The following DIS3L2 variants were observed in gnomAD, a reference collection of about 807,000 sequenced individuals.
DIS3L2 encodes DIS3-like exonuclease 2.
A neutral mutation model predicts 97.5 loss-of-function variants in DIS3L2; 34 were observed. The ratio of observed to expected loss-of-function variants is 0.35; its 90% CI spans 0.27 to 0.46. The LOEUF (loss-of-function observed/expected upper bound fraction) is 0.46, where lower values mean the gene tolerates loss of function less well. Ranked by LOEUF, DIS3L2 falls within the 20% of genes least tolerant of loss-of-function variation. The pLI is 1.00. For synonymous variants in DIS3L2, 435 were observed against 445.2 expected, an observed-to-expected ratio of 0.98 and a Z score of 0.29; for missense variants, 1,038 against 1,146.0, an observed-to-expected ratio of 0.91 and a Z score of 1.36.
At chr2:232,309,025 C>T (rs960306941) in intron 14 of DIS3L2, among the ~76,000 whole-genome samples, 2 of 152,116 alleles carry the variant, frequency 1.3e-5, no homozygotes, top group Non-Finnish European at 1.5e-5. Context: ...GGGGCAGGCC[C>T]GGGGCTTCCT....
chr2:232,253,672 G>C (rs764647426), intron 12 of DIS3L2, among the ~76,000 whole-genome samples: 8 of 152,146 alleles, frequency 5.3e-5, no homozygotes, highest in African/African-American at 1.2e-4. Context: ...TGGGCATGGT[G>C]GGGGAGGGAG....
intron 1 of DIS3L2, among the ~76,000 whole-genome samples, chr2:231,987,948 A>C (rs1693465304): frequency 6.6e-6 from 1 of 151,892 alleles, no homozygotes; most frequent in South Asian, 2.1e-4. Context: ...GGTTCAAGCG[A>C]TTCTCCTGCC....
chr2:232,135,168 G>A (rs1002119387), intron 7 of DIS3L2, among the ~76,000 whole-genome samples: 2 of 152,106 alleles, frequency 1.3e-5, no homozygotes, highest in Admixed American at 6.6e-5. Context: ...GAAAGGTGAG[G>A]ACAGGATGTT....
At chr2:232,314,938 A>T (rs1695229435) in intron 14 of DIS3L2, among the ~76,000 whole-genome samples, 1 of 152,178 alleles carries the variant, frequency 6.6e-6, no homozygotes. Flanking sequence ...TACCTTTCTC[A>T]GAAGGTCCTG....
intron 5 of DIS3L2, among the ~76,000 whole-genome samples, chr2:232,072,985 T>C (rs1297449232): frequency 6.6e-6 from 1 of 152,190 alleles, no homozygotes; most frequent in African/African-American, 2.4e-5. Flanking sequence ...TTGGATTAGC[T>C]ACCCTAAGCA....
intron 1 of DIS3L2, among the ~76,000 whole-genome samples, chr2:232,014,175 C>G (rs1330260865): frequency 1.3e-5 from 2 of 152,250 alleles, no homozygotes; most frequent in African/African-American, 2.4e-5. Context: ...ATCCTGGCAG[C>G]TGCTCTTATA....
At chr2:232,277,784 A>AT (rs1424485939) in intron 13 of DIS3L2, among the ~76,000 whole-genome samples, 1 of 152,202 alleles carries the variant, frequency 6.6e-6, no homozygotes, top group Non-Finnish European at 1.5e-5. Flanking sequence ...ACTAACCTAG[A>AT]TGGGATAGCC....
intron 13 of DIS3L2, among the ~76,000 whole-genome samples, chr2:232,286,130 G>T (rs1469655871): frequency 6.6e-6 from 1 of 152,168 alleles, no homozygotes; most frequent in Non-Finnish European, 1.5e-5. Flanking sequence ...TGAGGTTCTG[G>T]GCAGCTTCCT....
chr2:232,329,785 T>TCCCGGGGGG, intron 14 of DIS3L2, 28 bp from the exon 15 acceptor site: 96 of 967,096 alleles, frequency 9.9e-5, no homozygotes, highest in Middle Eastern at 3.5e-4. Context: ...ACCCCAGCGG[T>TCCCGGGGGG]CCCTCCCATC....
chr2:232,327,662 A>C (rs1575021614), intron 14 of DIS3L2, among the ~76,000 whole-genome samples: 1 of 152,248 alleles, frequency 6.6e-6, no homozygotes, highest in Non-Finnish European at 1.5e-5. Context: ...AGCCTAGAAC[A>C]GTCAGTGTTC....
chr2:232,191,006 A>G (rs1428786018), intron 9 of DIS3L2, among the ~76,000 whole-genome samples: 1 of 152,364 alleles, frequency 6.6e-6, no homozygotes, highest in African/African-American at 2.4e-5. Flanking sequence ...GTGTTTAGCC[A>G]TGAAGCTCTT....
intron 14 of DIS3L2, among the ~76,000 whole-genome samples, chr2:232,309,496 C>T (rs925954807): frequency 7.9e-5 from 12 of 151,892 alleles, no homozygotes; most frequent in Non-Finnish European, 8.8e-5. Flanking sequence ...TCTCAGGCTA[C>T]GGCCCAGGTT....
intron 13 of DIS3L2, among the ~76,000 whole-genome samples, chr2:232,285,400 C>T (rs750723156): frequency 6.6e-5 from 10 of 152,238 alleles, no homozygotes; most frequent in Non-Finnish European, 1.0e-4. Flanking sequence ...AGCCTCTCCA[C>T]CTGCAACTGG....
intron 6 of DIS3L2, among the ~76,000 whole-genome samples, chr2:232,116,517 C>T (rs1376322503): frequency 6.6e-6 from 1 of 152,220 alleles, no homozygotes; most frequent in Non-Finnish European, 1.5e-5. Flanking sequence ...AATTCCCGTT[C>T]TCCTTAGAGA....
At position 232,086,643 on chromosome 2, in the gene DIS3L2, A is replaced by ATATATATATATACACATATATATG. The variant is rs1484154092; in HGVS notation, c.367-843_367-842insATATATATATACACATATATATGT. On this transcript the variant is annotated intron_variant, in intron 5 of 20. Coordinates refer to ENST00000325385, the MANE Select transcript of DIS3L2 (RefSeq NM_152383.5). ...TATATATATATACACATATATATAT[A>ATATATATATATACACATATATATG]TGTATATATATATATATGTGTGTGT... Among the ~76,000 whole-genome samples the ATATATATATATACACATATATATG allele has an allele frequency of 2.1e-4, 17 of 81,928 alleles. 1 individual carries two copies. The East Asian group carries it at 3.4e-3, about 16-fold the overall frequency. The allele number at this position is 81,928 out of a possible 152,430, so 53.7% of individuals were successfully genotyped here.
chr2:232,012,809 A>G lies in DIS3L2; in HGVS notation c.-93-2026A>G, dbSNP rs143886909. On this transcript the variant is annotated intron_variant, in intron 1 of 20. Coordinates refer to ENST00000325385, the MANE Select transcript of DIS3L2 (RefSeq NM_152383.5). Reference sequence around the variant, plus strand: ...TCACAATGATGTCACGGGGAAGGGAATGTTGCTTGTTCGTTCCTTGTCCTA... The same window carrying G: ...TCACAATGATGTCACGGGGAAGGGAGTGTTGCTTGTTCGTTCCTTGTCCTA... Among the ~76,000 whole-genome samples the G allele has an allele frequency of 1.2e-3, 177 of 152,264 alleles. 1 individual carries two copies. Among genetic ancestry groups the G allele is most frequent in the Non-Finnish European group, 2.1e-3 (144 of 68,020 alleles).
chr2:232,109,903 C>G (rs1228519136), intron 6 of DIS3L2, among the ~76,000 whole-genome samples: 1 of 152,118 alleles, frequency 6.6e-6, no homozygotes, highest in Non-Finnish European at 1.5e-5. Flanking sequence ...AAAGAAACTA[C>G]CAACAGAGTA....
chr2:232,010,933 T>C (rs977034002), intron 1 of DIS3L2, among the ~76,000 whole-genome samples: 1 of 152,382 alleles, frequency 6.6e-6, no homozygotes, highest in Admixed American at 6.5e-5. Context: ...TTTGAGCCTT[T>C]GCTATGTACT....
Position 232,263,254 on chromosome 2 carries a change from A to G in DIS3L2, c.1473A>G (p.Lys491=), listed in dbSNP as rs750340380. Reference sequence around the variant, plus strand: ...GGACCATCATCCGCTCCTGCACCAAACTTAGCTACGAGCATGCACAGAGCA... The same window carrying G: ...GGACCATCATCCGCTCCTGCACCAAGCTTAGCTACGAGCATGCACAGAGCA... The part of the protein sequence containing the change: ...FGRTIIRSCT[K]LSYEHAQSMI... Residue 491 remains lysine, a synonymous_variant, in exon 13 of 21, where the codon AAA becomes AAG. Transcript: ENST00000325385. 6.2e-7 allele frequency: 1 copy of G among 1,614,198 alleles called. No homozygotes were observed. The highest frequency in any genetic ancestry group is 1.1e-5 in the South Asian group (1 of 91,084).
Sources: allele counts gnomAD v4.1 joint callset (sites outside exome capture counted in the v4.1 genomes callset), GRCh38; gene constraint gnomAD v4.1.1; transcripts MANE v1.5; gene names NCBI Gene and HGNC (gene_info 2026-07-23, HGNC 2026-07-21).